Variants in AMOTL1 observed in about 807,000 individuals in gnomAD.
AMOTL1 encodes the protein angiomotin like 1.
AMOTL1 carries 45 observed loss-of-function variants against 102.9 expected under a neutral mutation model. That is an observed-to-expected ratio of 0.44 (90% CI 0.34 to 0.56). The LOEUF (loss-of-function observed/expected upper bound fraction) is 0.56, where lower values mean the gene tolerates loss of function less well. AMOTL1 is among the 20% of genes least tolerant of loss of function. The pLI, the probability that AMOTL1 is intolerant of heterozygous loss-of-function variation, is 0.01. For missense variants in AMOTL1, 1,114 were observed against 1,225.6 expected (o/e 0.91, Z 1.36); for synonymous variants, 481 against 484.7 (o/e 0.99, Z 0.10).
rs181317286 is a variant in AMOTL1 at position 94,748,433 on chromosome 11, A to G, written c.136+7445A>G. Among the ~76,000 whole-genome samples the G allele has an allele frequency of 2.3e-3, 355 of 152,308 alleles. 1 individual carries two copies. Among genetic ancestry groups the G allele is most frequent in the Non-Finnish European group, 4.3e-3 (293 of 68,006 alleles). On this transcript the variant is annotated intron_variant, in intron 3 of 4. Transcript: ENST00000299004. ...TAGTCACGTGGCTACCCGCAGTTCCAGGAAGACTGGGAAAACTGGGTGGGG... is the reference window on the plus strand; with the variant it reads ...TAGTCACGTGGCTACCCGCAGTTCCGGGAAGACTGGGAAAACTGGGTGGGG...
At chr11:94,771,257 G>GT (rs914532653) in intron 1 of AMOTL1, among the ~76,000 whole-genome samples, 23 of 47,900 alleles carry the variant, frequency 4.8e-4, no homozygotes, top group South Asian at 2.8e-3. Context: ...TTTTGGCGGG[G>GT]TTGGGGGGGG....
intron 1 of AMOTL1, among the ~76,000 whole-genome samples, chr11:94,777,151 G>T (rs2135525961): frequency 6.6e-6 from 1 of 152,196 alleles, no homozygotes. Flanking sequence ...AAGACACCTG[G>T]GAAAGTAATT....
At chr11:94,771,834 G>A (rs1270594156) in intron 1 of AMOTL1, among the ~76,000 whole-genome samples, 2 of 152,134 alleles carry the variant, frequency 1.3e-5, no homozygotes, top group Non-Finnish European at 2.9e-5. Context: ...CATCTTTTAG[G>A]AGAGAGTAGG....
intron 1 of AMOTL1, among the ~76,000 whole-genome samples, chr11:94,720,827 G>T (rs1950165020): frequency 1.3e-5 from 2 of 152,108 alleles, no homozygotes; most frequent in Non-Finnish European, 2.9e-5. Flanking sequence ...AGGAGCAGAA[G>T]AAGAAATGGG....
intron 1 of AMOTL1, among the ~76,000 whole-genome samples, chr11:94,715,125 T>C (rs1412481293): frequency 1.3e-5 from 2 of 152,158 alleles, no homozygotes; most frequent in African/African-American, 2.4e-5. Context: ...CATTTACCTA[T>C]GGCTTATTTA....
intron 3 of AMOTL1, chr11:94,820,498 C>T (rs1951844569): frequency 6.6e-6 from 1 of 152,356 alleles, no homozygotes; most frequent in African/African-American, 2.4e-5. Context: ...ACCTCAGGCC[C>T]TGTGCGCTAG....
chr11:94,716,600 T>G (rs1950101767), intron 1 of AMOTL1, among the ~76,000 whole-genome samples: 1 of 152,288 alleles, frequency 6.6e-6, no homozygotes, highest in South Asian at 2.1e-4. Flanking sequence ...ACCTTGTTCT[T>G]CTGCTGCTAT....
intron 3 of AMOTL1, among the ~76,000 whole-genome samples, chr11:94,802,993 G>A (rs1951504405): frequency 6.6e-6 from 1 of 152,210 alleles, no homozygotes; most frequent in South Asian, 2.1e-4. Flanking sequence ...AGGCCATTGT[G>A]TACATACGTA....
chr11:94,736,846 T>C (rs10741496), intron 2 of AMOTL1, among the ~76,000 whole-genome samples: 134,637 of 152,208 alleles, frequency 0.88, 61,022 homozygotes, highest in Non-Finnish European at 0.99. Flanking sequence ...AGGTCTGTCA[T>C]GGAATCCCTT....
chr11:94,751,500 A>G (rs1950653294), intron 3 of AMOTL1, among the ~76,000 whole-genome samples: 1 of 152,154 alleles, frequency 6.6e-6, no homozygotes, highest in Admixed American at 6.5e-5. Flanking sequence ...AGGAGAATAC[A>G]AAAGGACGAT....
rs1339366972 is a variant in AMOTL1 at position 94,795,102 on chromosome 11, G to A, written c.141G>A (p.Gly47=). ...YFSPDFQLYS[G]RHETSALTVE... ...CCCCAGACTTTCAGCTCTATTCTGG[G>A]AGGCATGAAACATCTGCTTTGACGG... is the stretch of plus-strand genomic sequence containing the variant. The change falls in exon 2 of 13, where the codon GGG becomes GGA. Residue 47 remains glycine, a synonymous_variant. Coordinates refer to ENST00000433060, the MANE Select transcript of AMOTL1 (RefSeq NM_130847.3). 2 of 1,613,794 alleles carry A rather than the reference G, an allele frequency of 1.2e-6. No homozygotes were observed. Among genetic ancestry groups the A allele is most frequent in the Non-Finnish European group, 1.7e-6 (2 of 1,179,882 alleles).
intron 1 of AMOTL1, among the ~76,000 whole-genome samples, chr11:94,791,348 T>C (rs1161089277): frequency 6.6e-6 from 1 of 152,220 alleles, no homozygotes; most frequent in Non-Finnish European, 1.5e-5. Flanking sequence ...GGCACTGTAC[T>C]TTCTCCTCCC....
intron 3 of AMOTL1, among the ~76,000 whole-genome samples, chr11:94,802,690 G>A (rs1207909808): frequency 6.6e-6 from 1 of 152,196 alleles, no homozygotes; most frequent in East Asian, 1.9e-4. Context: ...ATTGAGGCTG[G>A]GTCCCAGAGC....
At chr11:94,787,951 C>T (rs923010339) in intron 1 of AMOTL1, among the ~76,000 whole-genome samples, 50 of 152,154 alleles carry the variant, frequency 3.3e-4, no homozygotes, top group Non-Finnish European at 6.8e-4. Context: ...GCCAGAGATA[C>T]GCTACTTGTC....
intron 6 of AMOTL1, among the ~76,000 whole-genome samples, chr11:94,847,720 C>G (rs1952445576): frequency 7.5e-6 from 1 of 132,664 alleles, no homozygotes; most frequent in Non-Finnish European, 1.5e-5. Flanking sequence ...GCTTATCAAG[C>G]AAATAGCAAA....
chr11:94,825,592 G>C (rs2135643007), intron 4 of AMOTL1, among the ~76,000 whole-genome samples: 1 of 152,300 alleles, frequency 6.6e-6, no homozygotes, highest in Non-Finnish European at 1.5e-5. Flanking sequence ...CCGAAAAGGA[G>C]AATGAGAGCT....
At chr11:94,803,975 G>A (rs535248546) in intron 3 of AMOTL1, among the ~76,000 whole-genome samples, 1 of 152,176 alleles carries the variant, frequency 6.6e-6, no homozygotes, top group East Asian at 1.9e-4. Flanking sequence ...TGTATCACAA[G>A]CTTTTTTCCA....
intron 9 of AMOTL1, 130 bp from the exon 10 acceptor site, chr11:94,864,605 T>C: frequency 7.7e-7 from 1 of 1,298,424 alleles, no homozygotes; most frequent in Non-Finnish European, 1.0e-6. Context: ...AAAGGCTTCA[T>C]GAGCCAATGC....
At chr11:94,810,358 C>G (rs1018826412) in intron 3 of AMOTL1, among the ~76,000 whole-genome samples, 1 of 152,054 alleles carries the variant, frequency 6.6e-6, no homozygotes, top group Admixed American at 6.5e-5. Context: ...AAAAAGAGAA[C>G]TAGTATGGGG....
Sources: gnomAD v4.1 joint callset for allele counts (sites outside exome capture counted in the v4.1 genomes callset) on GRCh38, gnomAD v4.1.1 for gene constraint, MANE v1.5 for transcripts, NCBI Gene and HGNC (gene_info 2026-07-23, HGNC 2026-07-21) for gene names.